Variants in CLNK observed in about 807,000 individuals in gnomAD.
CLNK encodes cytokine-dependent hematopoietic cell linker.
A neutral mutation model predicts 68.6 loss-of-function variants in CLNK; 74 were observed. That is an observed-to-expected ratio of 1.08 (90% CI 0.89 to 1.31). CLNK has a LOEUF of 1.31. Among genes scored for constraint, CLNK ranks in the 50% most tolerant of loss-of-function variants. The probability of loss-of-function intolerance (pLI) is 0.00; values close to 1 mark genes in which losing one functional copy is unlikely to be tolerated. For missense variants in CLNK, 553 were observed against 515.3 expected, an observed-to-expected ratio of 1.07 and a Z score of -0.71; for synonymous variants, 198 against 172.2, an observed-to-expected ratio of 1.15 and a Z score of -1.17.
At position 10,518,663 on chromosome 4, in the gene CLNK, T is replaced by C. The variant is rs566758214; in HGVS notation, c.772+2128A>G. 5.0e-4 allele frequency among the ~76,000 whole-genome samples: 76 copies of C among 152,328 alleles called. 1 individual carries two copies. The highest frequency in any genetic ancestry group is 2.5e-4 in the Non-Finnish European group (17 of 68,022). ...TTGCTTGGGATCCTAATAGTTTAAC[T>C]TGAATGCATTTATCAAAGAATTGAG... On this transcript the variant is annotated intron_variant, in intron 15 of 18. Coordinates refer to ENST00000226951, the MANE Select transcript of CLNK (RefSeq NM_052964.4).
chr4:10,583,179 G>C (rs907732995), intron 4 of CLNK, among the ~76,000 whole-genome samples: 1 of 152,180 alleles, frequency 6.6e-6, no homozygotes, highest in Non-Finnish European at 1.5e-5. Context: ...GATCAGGTCT[G>C]CTATTCTTTG....
chr4:10,652,652 T>C (rs1008718178), intron 2 of CLNK, among the ~76,000 whole-genome samples: 1 of 152,196 alleles, frequency 6.6e-6, no homozygotes, highest in Non-Finnish European at 1.5e-5. Flanking sequence ...GAGGGAATAA[T>C]AGTTTGAAAA....
Position 10,542,273 on chromosome 4 carries a change from T to C in CLNK, c.453A>G (p.Ala151=). The change falls in exon 9 of 19, where the codon GCA becomes GCG. Residue 151 remains alanine, a synonymous_variant. Transcript: ENST00000226951. ...CTCTTACCTTGTTCTTTCTTACGGA[T>C]GCATCTCCTAAAACATAAGAGGGAA... ...DVRSQNIKGD[A]SVRKNKIPLP... is the part of the protein sequence containing the mutation. The C allele has an allele frequency of 6.5e-7, 1 of 1,537,668 alleles. No homozygotes were observed. The highest frequency in any genetic ancestry group is 8.9e-7 in the Non-Finnish European group (1 of 1,125,466).
intron 11 of CLNK, 119 bp downstream of exon 11, chr4:10,540,375 T>C: frequency 1.4e-6 from 1 of 717,688 alleles, no homozygotes; most frequent in Non-Finnish European, 2.5e-6. Context: ...AATGGACCAA[T>C]ACACTCCCCA....
intron 7 of CLNK, among the ~76,000 whole-genome samples, chr4:10,563,063 C>T (rs565229913): frequency 2.0e-5 from 3 of 152,292 alleles, no homozygotes; most frequent in South Asian, 4.1e-4. Flanking sequence ...TTTCATCACT[C>T]GTCTTGCTCC....
At chr4:10,594,439 T>G (rs1318709959) in intron 3 of CLNK, among the ~76,000 whole-genome samples, 1 of 152,206 alleles carries the variant, frequency 6.6e-6, no homozygotes, top group African/African-American at 2.4e-5. Flanking sequence ...TGAGCAAACA[T>G]TGGCACCCAC....
upstream of CLNK, among the ~76,000 whole-genome samples, chr4:10,689,159 G>C (rs374356757): frequency 6.6e-6 from 1 of 150,754 alleles, no homozygotes; most frequent in Non-Finnish European, 1.5e-5. Flanking sequence ...CGGGGGCGAC[G>C]AGGTCTTACT....
intron 2 of CLNK, among the ~76,000 whole-genome samples, chr4:10,639,535 A>G (rs1723226568): frequency 6.6e-6 from 1 of 152,168 alleles, no homozygotes; most frequent in Admixed American, 6.5e-5. Flanking sequence ...CACAAAACGA[A>G]AAGATTTTCT....
intron 2 of CLNK, among the ~76,000 whole-genome samples, chr4:10,602,825 A>G (rs1228701259): frequency 6.6e-6 from 1 of 152,202 alleles, no homozygotes; most frequent in Non-Finnish European, 1.5e-5. Flanking sequence ...TCTAGAAGAA[A>G]AACGAGGAAG....
chr4:10,711,472 A>G, the CLNK span, among the ~76,000 whole-genome samples: 4 of 152,220 alleles, frequency 2.6e-5, no homozygotes, highest in East Asian at 5.8e-4. Flanking sequence ...ATAAAACAAA[A>G]TGTCTCAGAG....
At chr4:10,540,052 C>G (rs977488516) in intron 11 of CLNK, among the ~76,000 whole-genome samples, 5 of 152,188 alleles carry the variant, frequency 3.3e-5, no homozygotes, top group African/African-American at 1.2e-4. Flanking sequence ...GTGTCCCCAC[C>G]CAAAGCTCAT....
chr4:10,621,796 T>C (rs1447441031), intron 2 of CLNK, among the ~76,000 whole-genome samples: 1 of 152,180 alleles, frequency 6.6e-6, no homozygotes, highest in African/African-American at 2.4e-5. Context: ...TGGAATATTT[T>C]CCAGCTGCAG....
intron 17 of CLNK, among the ~76,000 whole-genome samples, chr4:10,506,799 C>A (rs1717312870): frequency 6.6e-6 from 1 of 152,120 alleles, no homozygotes; most frequent in Non-Finnish European, 1.5e-5. Flanking sequence ...TGAAACTCTC[C>A]ATGTTTTTTA....
chr4:10,516,871 T>C (rs1163495812), intron 15 of CLNK, among the ~76,000 whole-genome samples: 2 of 152,184 alleles, frequency 1.3e-5, no homozygotes, highest in African/African-American at 2.4e-5. Context: ...CTTTTAATGT[T>C]GAGCCTAAGG....
At chr4:10,597,686 C>T (rs999935277) in intron 3 of CLNK, among the ~76,000 whole-genome samples, 7 of 152,134 alleles carry the variant, frequency 4.6e-5, no homozygotes, top group Admixed American at 1.3e-4. Flanking sequence ...GAAGCCTCTC[C>T]ATCACTGGCT....
intron 2 of CLNK, among the ~76,000 whole-genome samples, chr4:10,605,880 C>G (rs1721770571): frequency 6.7e-6 from 1 of 150,162 alleles, no homozygotes; most frequent in African/African-American, 2.4e-5. Context: ...AGTGGTATAC[C>G]TGTATAAGGC....
chr4:10,662,931 C>T (rs1197883747), intron 2 of CLNK, among the ~76,000 whole-genome samples: 1 of 152,164 alleles, frequency 6.6e-6, no homozygotes, highest in Non-Finnish European at 1.5e-5. Flanking sequence ...ACTCTGGAGA[C>T]CTTTGCTCTC....
At chr4:10,513,772 G>A (rs1469495065) in intron 15 of CLNK, among the ~76,000 whole-genome samples, 175 bp from the exon 16 acceptor site, 1 of 150,906 alleles carries the variant, frequency 6.6e-6, no homozygotes, top group African/African-American at 2.4e-5. Flanking sequence ...TTCTCTACCT[G>A]TAGCTTTGCC....
At chr4:10,597,947 C>G in intron 3 of CLNK, 31 bp downstream of exon 3, 1 of 1,439,876 alleles carries the variant, frequency 6.9e-7, no homozygotes, top group Non-Finnish European at 9.5e-7. Context: ...AATTTTCACT[C>G]CTCTATTAAT....
Sources: allele counts gnomAD v4.1 joint callset (sites outside exome capture counted in the v4.1 genomes callset), GRCh38; gene constraint gnomAD v4.1.1; transcripts MANE v1.5; gene names NCBI Gene and HGNC (gene_info 2026-07-23, HGNC 2026-07-21).